Variants in OSBPL1A observed in about 807,000 individuals in gnomAD.
OSBPL1A encodes the protein oxysterol binding protein like 1A, also known as oxysterol-binding protein-related protein 1.
A neutral mutation model predicts 137.1 loss-of-function variants in OSBPL1A; 80 were observed. That is an observed-to-expected ratio of 0.58 (90% CI 0.49 to 0.70). The LOEUF is 0.70. OSBPL1A is among the 30% of genes least tolerant of loss of function. The probability of loss-of-function intolerance (pLI) is 0.00; values close to 1 mark genes in which losing one functional copy is unlikely to be tolerated. For synonymous variants in OSBPL1A, 365 were observed against 389.7 expected (o/e 0.94, Z 0.75); for missense variants, 970 against 1,129.4 (o/e 0.86, Z 2.02).
At chr18:24,285,237 C>CA (rs1021045987) in intron 14 of OSBPL1A, among the ~76,000 whole-genome samples, 1 of 152,094 alleles carries the variant, frequency 6.6e-6, no homozygotes, top group Non-Finnish European at 1.5e-5. Context: ...CAAGCTTTGC[C>CA]AAAATAAAAC....
intron 17 of OSBPL1A, among the ~76,000 whole-genome samples, chr18:24,205,072 TA>T (rs1296916948): frequency 4.6e-5 from 7 of 152,246 alleles, no homozygotes; most frequent in Non-Finnish European, 8.8e-5. Context: ...TAGACTGTGT[TA>T]ATCACTTAAT....
chr18:24,294,018 G>A (rs1487274705), intron 14 of OSBPL1A, among the ~76,000 whole-genome samples: 1 of 152,150 alleles, frequency 6.6e-6, no homozygotes, highest in Non-Finnish European at 1.5e-5. Context: ...ACAGTTTTAA[G>A]TAGGCTAAAT....
intron 1 of OSBPL1A, among the ~76,000 whole-genome samples, chr18:24,382,406 CAAAAA>C (rs58654443): frequency 9.4e-5 from 7 of 74,500 alleles, no homozygotes; most frequent in East Asian, 3.4e-4. Context: ...GACTCCGTCT[CAAAAA>C]AAAAAAAAAA....
intron 3 of OSBPL1A, chr18:24,367,585 G>A (rs2091721049): frequency 6.6e-6 from 1 of 150,410 alleles, no homozygotes; most frequent in Non-Finnish European, 1.5e-5. Flanking sequence ...CAAGGCTGCA[G>A]TGAGCCGAGA....
rs547909608 is a variant in OSBPL1A, at chr18:24,353,046, C to G, written c.283-11388G>C. Among the ~76,000 whole-genome samples, 227 of 152,186 alleles carry G rather than the reference C, an allele frequency of 1.5e-3. 5 individuals are homozygous for G. The highest frequency in any genetic ancestry group is 0.01 in the Admixed American group (153 of 15,286). ...TCTAAAACACCAAAAGCAATGGCAA[C>G]AAAAGCCAAAATTGACAAATGGGAT... is the stretch of plus-strand genomic sequence containing the variant. On this transcript the variant is annotated intron_variant, in intron 4 of 27. Coordinates refer to ENST00000319481, the MANE Select transcript of OSBPL1A (RefSeq NM_080597.4).
chr18:24,224,767 T>C lies in OSBPL1A; in HGVS notation c.1601+275A>G, dbSNP rs115093757. The stretch of plus-strand genomic sequence containing the variant: ...ACATAGGATCAGTTTTAACAGGTAG[T>C]TCTGAATAACCTTTCTAAATCACCA... On this transcript the variant is annotated intron_variant, in intron 17 of 27. Coordinates refer to ENST00000319481, the MANE Select transcript of OSBPL1A (RefSeq NM_080597.4). Among the ~76,000 whole-genome samples the C allele has an allele frequency of 2.8e-3, 427 of 152,310 alleles. 2 individuals carry two copies. The highest frequency in any genetic ancestry group is 9.7e-3 in the African/African-American group (402 of 41,558).
At chr18:24,197,921 G>C (rs1016895453) in intron 17 of OSBPL1A, among the ~76,000 whole-genome samples, 3 of 151,632 alleles carry the variant, frequency 2.0e-5, no homozygotes, top group Non-Finnish European at 4.4e-5. Context: ...CGAGTAGCTG[G>C]GATTTCAGGT....
chr18:24,239,457 T>G (rs2088611672), intron 15 of OSBPL1A, 75 bp from the exon 16 acceptor site: 3 of 1,371,736 alleles, frequency 2.2e-6, no homozygotes, highest in Non-Finnish European at 3.0e-6. Flanking sequence ...ATGTGAAAAT[T>G]AATTGCTTTT....
intron 1 of OSBPL1A, among the ~76,000 whole-genome samples, chr18:24,390,008 A>G (rs572562617): frequency 2.6e-5 from 4 of 152,292 alleles, no homozygotes; most frequent in African/African-American, 9.6e-5. Context: ...GAAATCAAAG[A>G]TAATAAAATT....
At chr18:24,187,377 A>C (rs368080193) in intron 18 of OSBPL1A, among the ~76,000 whole-genome samples, 8 of 152,286 alleles carry the variant, frequency 5.3e-5, no homozygotes, top group Admixed American at 6.5e-5. Flanking sequence ...AAAATGGTGA[A>C]GGTGGTGCCT....
intron 14 of OSBPL1A, chr18:24,302,793 G>A (rs1368886341): frequency 6.6e-6 from 1 of 152,138 alleles, no homozygotes; most frequent in East Asian, 1.9e-4. Flanking sequence ...ATTACTGAAA[G>A]GAAGATTAAT....
At chr18:24,338,473 C>T (rs1458445485) in intron 5 of OSBPL1A, among the ~76,000 whole-genome samples, 1 of 152,150 alleles carries the variant, frequency 6.6e-6, no homozygotes, top group East Asian at 1.9e-4. Flanking sequence ...TACCTCCCAT[C>T]ATGTATCTTT....
rs768349439 is a variant in OSBPL1A, at chr18:24,314,230, C to T, written c.969+19G>A. On this transcript the variant is annotated intron_variant, in intron 12 of 27. Coordinates refer to ENST00000319481, the MANE Select transcript of OSBPL1A (RefSeq NM_080597.4). Reference sequence around the variant, plus strand: ...TGTTCTGTAAGTTTTAGGAAAGATACATGAATCCATAAGATTACCTCTCTT... The same window carrying T: ...TGTTCTGTAAGTTTTAGGAAAGATATATGAATCCATAAGATTACCTCTCTT... 9.2e-6 allele frequency: 14 copies of T among 1,514,948 alleles called. No individual in the cohort carries two copies. The highest frequency in any genetic ancestry group is 1.4e-5 in the African/African-American group (1 of 71,696). 93.8% of individuals were successfully genotyped at this position (1,514,948 alleles called of 1,614,324 possible).
chr18:24,362,725 C>T (rs2091642992), intron 4 of OSBPL1A, among the ~76,000 whole-genome samples: 1 of 152,058 alleles, frequency 6.6e-6, no homozygotes. Context: ...ATCAAAAAAA[C>T]ATTAATATGG....
At chr18:24,262,256 G>A (rs2089460638) in intron 15 of OSBPL1A, among the ~76,000 whole-genome samples, 1 of 152,180 alleles carries the variant, frequency 6.6e-6, no homozygotes, top group East Asian at 1.9e-4. Context: ...TCAGATGTCT[G>A]GTATGGGAGC....
At chr18:24,195,680 C>T (rs762327938) in intron 18 of OSBPL1A, among the ~76,000 whole-genome samples, 1 of 152,206 alleles carries the variant, frequency 6.6e-6, no homozygotes, top group African/African-American at 2.4e-5. Flanking sequence ...CCTCCCCCCA[C>T]ATCAGATCCA....
chr18:24,202,880 C>T (rs186069254), intron 17 of OSBPL1A, among the ~76,000 whole-genome samples: 1 of 152,280 alleles, frequency 6.6e-6, no homozygotes, highest in African/African-American at 2.4e-5. Flanking sequence ...CAAAACAACA[C>T]ACATAATTAA....
chr18:24,163,766 CTT>C (rs1466456545), intron 27 of OSBPL1A, among the ~76,000 whole-genome samples: 1 of 150,172 alleles, frequency 6.7e-6, no homozygotes, highest in Non-Finnish European at 1.5e-5. Context: ...CAGTTTTGCT[CTT>C]GTTGCCCAGG....
chr18:24,259,815 A>G (rs1407129223), intron 15 of OSBPL1A, among the ~76,000 whole-genome samples: 2 of 152,196 alleles, frequency 1.3e-5, no homozygotes, highest in African/African-American at 4.8e-5. Context: ...TTAAAAAAAA[A>G]TACACCGAAA....
Sources: gnomAD v4.1 joint callset for allele counts (sites outside exome capture counted in the v4.1 genomes callset) on GRCh38, gnomAD v4.1.1 for gene constraint, MANE v1.5 for transcripts, NCBI Gene and HGNC (gene_info 2026-07-23, HGNC 2026-07-21) for gene names.